ANGPT1: variants seen among roughly 807,000 people sequenced by gnomAD.
ANGPT1 encodes angiopoietin-1.
Under a neutral mutation model 62.2 loss-of-function variants are expected in ANGPT1, and 17 were observed. That is an observed-to-expected ratio of 0.27 (90% CI 0.19 to 0.41). ANGPT1 has a LOEUF of 0.41. Among genes scored for constraint, ANGPT1 ranks in the 10% least tolerant of loss-of-function variants. ANGPT1 has a pLI of 1.00. For synonymous variants in ANGPT1, 199 were observed against 198.9 expected (o/e 1.00, Z 0.00); for missense variants, 478 against 594.9 (o/e 0.80, Z 2.04).
At chr8:107,421,526 G>GTCTCTATC (rs1485026524) in intron 1 of ANGPT1, among the ~76,000 whole-genome samples, 1 of 152,156 alleles carries the variant, frequency 6.6e-6, no homozygotes, top group African/African-American at 2.4e-5. Context: ...CGACTTCGGT[G>GTCTCTATC]TCTCTATCTA....
chr8:107,309,529 A>G (rs1814799317), intron 4 of ANGPT1, among the ~76,000 whole-genome samples: 1 of 152,210 alleles, frequency 6.6e-6, no homozygotes, highest in Non-Finnish European at 1.5e-5. Context: ...TAAAAGTGGA[A>G]GAAGGTAATG....
chr8:107,488,897 C>G (rs1011123000), intron 1 of ANGPT1, among the ~76,000 whole-genome samples: 5 of 152,046 alleles, frequency 3.3e-5, no homozygotes, highest in African/African-American at 1.2e-4. Flanking sequence ...TTTATGAAAT[C>G]CTGGGGCTAT....
At chr8:107,413,117 T>C (rs1248756989) in intron 1 of ANGPT1, among the ~76,000 whole-genome samples, 1 of 152,204 alleles carries the variant, frequency 6.6e-6, no homozygotes, top group African/African-American at 2.4e-5. Flanking sequence ...ATAAGTTTAC[T>C]CAGCCCTGGG....
chr8:107,443,576 A>T (rs1811532877), intron 1 of ANGPT1, among the ~76,000 whole-genome samples: 1 of 151,692 alleles, frequency 6.6e-6, no homozygotes, highest in Admixed American at 6.6e-5. Context: ...TGGGAGGCTG[A>T]GGCGGGCGGA....
In ANGPT1 at chr8:107,327,264, T is replaced by C. The variant is rs114493022; in HGVS notation, c.576-5136A>G. Among the ~76,000 whole-genome samples, 942 of 152,254 alleles carry C rather than the reference T, an allele frequency of 6.2e-3. 15 individuals carry two copies. The highest frequency in any genetic ancestry group is 0.021 in the African/African-American group (890 of 41,570). ...CATATTTCATTTTGTCCCTGAAGCC[T>C]TTCATTGATTCTTTACTATTTTCGT... is the stretch of plus-strand genomic sequence containing the variant. On this transcript the variant is annotated intron_variant, in intron 3 of 8. Transcript: ENST00000517746.
chr8:107,269,066 A>G (rs1041285424), intron 7 of ANGPT1, among the ~76,000 whole-genome samples: 1 of 152,076 alleles, frequency 6.6e-6, no homozygotes, highest in Admixed American at 6.6e-5. Context: ...CTTCTAAACA[A>G]TATTTTAAAA....
chr8:107,370,403 A>AG (rs142911224), intron 1 of ANGPT1, among the ~76,000 whole-genome samples: 27,046 of 46,560 alleles, frequency 0.58, 10,108 homozygotes, highest in East Asian at 0.81. Context: ...AAAGAAAGAA[A>AG]GAAAGAGTCA....
intron 1 of ANGPT1, among the ~76,000 whole-genome samples, chr8:107,427,447 T>C (rs1250862550): frequency 6.6e-6 from 1 of 152,160 alleles, no homozygotes; most frequent in Non-Finnish European, 1.5e-5. Context: ...CTGTACCAGC[T>C]ATCTGTTGAG....
At chr8:107,473,774 A>G (rs549329984) in intron 1 of ANGPT1, among the ~76,000 whole-genome samples, 4 of 152,216 alleles carry the variant, frequency 2.6e-5, no homozygotes, top group African/African-American at 7.2e-5. Flanking sequence ...ACAAGTCACA[A>G]TGTAAGGCTC....
chr8:107,439,013 T>G (rs1346625500), intron 1 of ANGPT1, among the ~76,000 whole-genome samples: 2 of 152,214 alleles, frequency 1.3e-5, no homozygotes, highest in Non-Finnish European at 2.9e-5. Flanking sequence ...CTGTAGATTG[T>G]GGAATATGGA....
chr8:107,363,052 G>A (rs946883072), intron 1 of ANGPT1, among the ~76,000 whole-genome samples: 2 of 150,718 alleles, frequency 1.3e-5, no homozygotes, highest in African/African-American at 4.9e-5. Flanking sequence ...GTGCTATGGA[G>A]AGCTCCCAGA....
At chr8:107,354,661 CT>C (rs1182089313) in intron 1 of ANGPT1, among the ~76,000 whole-genome samples, 1 of 152,140 alleles carries the variant, frequency 6.6e-6, no homozygotes, top group East Asian at 1.9e-4. Flanking sequence ...AAGCCCTGGA[CT>C]GGATCATGTC....
At chr8:107,325,324 G>T (rs1815261481) in intron 3 of ANGPT1, among the ~76,000 whole-genome samples, 1 of 152,046 alleles carries the variant, frequency 6.6e-6, no homozygotes, top group African/African-American at 2.4e-5. Flanking sequence ...GCTAGTCCTG[G>T]GGTAATGATC....
intron 1 of ANGPT1, among the ~76,000 whole-genome samples, chr8:107,349,820 A>T (rs1431216681): frequency 6.6e-6 from 1 of 152,120 alleles, no homozygotes; most frequent in East Asian, 1.9e-4. Context: ...TGTTCATCAA[A>T]ACTACATGGG....
chr8:107,276,826 A>T (rs1034735333), intron 7 of ANGPT1, among the ~76,000 whole-genome samples: 1 of 152,158 alleles, frequency 6.6e-6, no homozygotes, highest in African/African-American at 2.4e-5. Context: ...CTACTTCCCA[A>T]TGAAGATCTT....
intron 2 of ANGPT1, among the ~76,000 whole-genome samples, chr8:107,346,591 A>AAT (rs1432238141): frequency 1.3e-5 from 2 of 152,198 alleles, no homozygotes; most frequent in Non-Finnish European, 2.9e-5. Flanking sequence ...AGACAAAACA[A>AAT]AACAGGTCAA....
intron 1 of ANGPT1, among the ~76,000 whole-genome samples, chr8:107,430,316 T>C (rs1811148595): frequency 6.6e-6 from 1 of 152,176 alleles, no homozygotes; most frequent in African/African-American, 2.4e-5. Flanking sequence ...GTTTGCGTGG[T>C]TCTTTCTGTA....
intron 3 of ANGPT1, among the ~76,000 whole-genome samples, chr8:107,325,643 G>A (rs1415353868): frequency 1.3e-5 from 2 of 152,054 alleles, no homozygotes; most frequent in African/African-American, 4.8e-5. Flanking sequence ...CAATAATTCT[G>A]TAAAATATAA....
intron 7 of ANGPT1, among the ~76,000 whole-genome samples, chr8:107,280,742 T>C (rs1586183541): frequency 1.3e-5 from 2 of 152,118 alleles, no homozygotes; most frequent in South Asian, 4.1e-4. Flanking sequence ...AGTGGCCAGG[T>C]CACGAAGAGT....
Sources: allele counts gnomAD v4.1 joint callset (sites outside exome capture counted in the v4.1 genomes callset), GRCh38; gene constraint gnomAD v4.1.1; transcripts MANE v1.5; gene names NCBI Gene and HGNC (gene_info 2026-07-23, HGNC 2026-07-21).